The following ARSB variants were observed in gnomAD, a reference collection of about 807,000 sequenced individuals.
The protein encoded by ARSB is arylsulfatase B.
A neutral mutation model predicts 50.9 loss-of-function variants in ARSB; 41 were observed. The observed-to-expected ratio is 0.81, with a 90% CI of 0.63 to 1.04. The LOEUF (loss-of-function observed/expected upper bound fraction) is 1.04. Ranked by LOEUF, ARSB falls within the 50% of genes least tolerant of loss-of-function variation. The pLI is 0.00. For synonymous variants in ARSB, 269 were observed against 284.8 expected (o/e 0.94, Z 0.56); for missense variants, 672 against 693.3 (o/e 0.97, Z 0.35).
In ARSB at chr5:78,958,713, GTTC is replaced by G. The variant is rs371062085; in HGVS notation, c.691-3214_691-3212del. 1.1e-3 allele frequency among the ~76,000 whole-genome samples: 166 copies of G among 151,456 alleles called. 1 individual carries two copies. Among genetic ancestry groups the G allele is most frequent in the African/African-American group, 3.9e-3 (162 of 41,274 alleles). ...TTATAGAGTAACTCTCTTCCTTATT[GTTC>G]TTCTTCTGTAAATAACTAGGAAAGA... On this transcript the variant is annotated intron_variant, in intron 3 of 7. Coordinates refer to ENST00000264914, the MANE Select transcript of ARSB (RefSeq NM_000046.5).
In ARSB at chr5:78,885,358, T is replaced by G. The variant is rs991312669; in HGVS notation, c.1142+226A>C. 1.1e-5 allele frequency: 7 copies of G among 649,058 alleles called. No individual in the cohort carries two copies. In the African/African-American group the frequency reaches 1.3e-4, roughly 12 times the overall value. The allele number at this position is 649,058 out of a possible 1,614,324, so 40.2% of individuals were successfully genotyped here. A position where few individuals can be genotyped will look rare whatever the true frequency, so the allele number is the denominator to read the frequency against. On this transcript the variant is annotated intron_variant, in intron 5 of 7. Transcript: ENST00000264914. ...AGACCTTCCATGGAGGGCGATGGGCTGAGGACAATCTTGTTCTTCACGTAA... is the reference window on the plus strand; with the variant it reads ...AGACCTTCCATGGAGGGCGATGGGCGGAGGACAATCTTGTTCTTCACGTAA...
chr5:78,966,990 G>C (rs777475007), intron 2 of ARSB, among the ~76,000 whole-genome samples: 82 of 151,446 alleles, frequency 5.4e-4, no homozygotes, highest in Non-Finnish European at 9.6e-4. Flanking sequence ...GGATGAGAGT[G>C]GGGCACACAC....
At chr5:78,924,461 T>G (rs1302203067) in intron 4 of ARSB, among the ~76,000 whole-genome samples, 1 of 152,182 alleles carries the variant, frequency 6.6e-6, no homozygotes, top group Non-Finnish European at 1.5e-5. Context: ...CTTGTCAATT[T>G]TCTGGAGCCT....
intron 4 of ARSB, among the ~76,000 whole-genome samples, chr5:78,927,306 C>T (rs1444309005): frequency 5.3e-5 from 8 of 150,820 alleles, no homozygotes; most frequent in African/African-American, 2.0e-4. Context: ...AGTATTTTAC[C>T]CTTACAGCAC....
intron 5 of ARSB, among the ~76,000 whole-genome samples, chr5:78,869,203 C>T (rs1746980051): frequency 8.9e-6 from 1 of 112,496 alleles, no homozygotes; most frequent in Admixed American, 8.8e-5. Context: ...GACTCCCACA[C>T]ATTAATAATG....
chr5:78,794,017 T>C (rs972121872), intron 6 of ARSB, among the ~76,000 whole-genome samples: 1 of 152,144 alleles, frequency 6.6e-6, no homozygotes, highest in Non-Finnish European at 1.5e-5. Context: ...GTAGAGCCCG[T>C]ACATTTAGGC....
chr5:78,815,558 C>A, intron 6 of ARSB: 1 of 986,932 alleles, frequency 1.0e-6, no homozygotes, highest in Non-Finnish European at 1.2e-6. Flanking sequence ...AGGAAAGCAT[C>A]TGGGCCTACA....
intron 1 of ARSB, among the ~76,000 whole-genome samples, chr5:78,980,194 A>T (rs1734337265): frequency 6.6e-6 from 1 of 152,218 alleles, no homozygotes; most frequent in South Asian, 2.1e-4. Context: ...AAAACCATTG[A>T]ATTGGATACT....
rs532387515 is a variant in ARSB, at chr5:78,901,207, T to C, written c.899-15380A>G. Among the ~76,000 whole-genome samples the C allele has an allele frequency of 2.0e-5, 3 of 152,274 alleles. No individual in the cohort carries two copies. In the East Asian group the frequency reaches 5.8e-4, roughly 29 times the overall value. Reference sequence around the variant, plus strand: ...ATCTCCTCATCTTCAGGTCAGTTTATCAGAAACCTTAATTTGGTCTGCAAT... The same window carrying C: ...ATCTCCTCATCTTCAGGTCAGTTTACCAGAAACCTTAATTTGGTCTGCAAT... On this transcript the variant is annotated intron_variant, in intron 4 of 7. Transcript: ENST00000264914.
intron 5 of ARSB, among the ~76,000 whole-genome samples, chr5:78,850,183 T>C (rs200528205): frequency 0.015 from 1,661 of 112,434 alleles, no homozygotes; most frequent in South Asian, 0.031. Flanking sequence ...ATTCAGTATA[T>C]TGGCTGTGGG....
At chr5:78,900,830 G>A (rs1247643746) in intron 4 of ARSB, among the ~76,000 whole-genome samples, 2 of 152,070 alleles carry the variant, frequency 1.3e-5, no homozygotes, top group Non-Finnish European at 2.9e-5. Flanking sequence ...ACGAGGTCAG[G>A]AGATCGAGAC....
At chr5:78,959,629 A>G (rs191206969) in intron 3 of ARSB, among the ~76,000 whole-genome samples, 1 of 152,328 alleles carries the variant, frequency 6.6e-6, no homozygotes, top group African/African-American at 2.4e-5. Flanking sequence ...TCGGTACTAT[A>G]GCCCATTTCA....
chr5:78,827,923 G>C (rs1744506473), intron 6 of ARSB, among the ~76,000 whole-genome samples: 2 of 151,394 alleles, frequency 1.3e-5, no homozygotes, highest in African/African-American at 4.9e-5. Flanking sequence ...TGAAACCCCA[G>C]CATCTATATA....
chr5:78,852,462 C>T (rs1049666865), intron 5 of ARSB, among the ~76,000 whole-genome samples: 7 of 152,108 alleles, frequency 4.6e-5, no homozygotes, highest in African/African-American at 1.2e-4. Context: ...GTGGGTAACC[C>T]GACCTTTCTC....
intron 4 of ARSB, among the ~76,000 whole-genome samples, chr5:78,938,628 T>C (rs1404848306): frequency 6.6e-6 from 1 of 152,228 alleles, no homozygotes; most frequent in East Asian, 1.9e-4. Context: ...ATTTCTATAA[T>C]ATTTTATAAG....
At chr5:78,953,336 TCTG>T (rs1751566307) in intron 4 of ARSB, among the ~76,000 whole-genome samples, 1 of 152,272 alleles carries the variant, frequency 6.6e-6, no homozygotes, top group Non-Finnish European at 1.5e-5. Flanking sequence ...GGAGCCAGGC[TCTG>T]CCTGGCTGCA....
chr5:78,922,631 G>T (rs1749875690), intron 4 of ARSB, among the ~76,000 whole-genome samples: 1 of 151,126 alleles, frequency 6.6e-6, no homozygotes. Context: ...TCCCAGCTGT[G>T]GTGCCTATAA....
At chr5:78,835,056 A>T (rs982068598) in intron 6 of ARSB, among the ~76,000 whole-genome samples, 1 of 148,288 alleles carries the variant, frequency 6.7e-6, no homozygotes, top group Non-Finnish European at 1.5e-5. Flanking sequence ...TTACGTATGC[A>T]TCCTTGAGAC....
At chr5:78,827,082 C>T (rs1042357713) in intron 6 of ARSB, among the ~76,000 whole-genome samples, 4 of 152,180 alleles carry the variant, frequency 2.6e-5, no homozygotes, top group African/African-American at 4.8e-5. Flanking sequence ...CCCAGATCAA[C>T]GGCTCCATCA....
Sources: gnomAD v4.1 joint callset for allele counts (sites outside exome capture counted in the v4.1 genomes callset) on GRCh38, gnomAD v4.1.1 for gene constraint, MANE v1.5 for transcripts, NCBI Gene and HGNC (gene_info 2026-07-23, HGNC 2026-07-21) for gene names.